DYNC1H1: variants seen among roughly 807,000 people sequenced by gnomAD.
The protein encoded by DYNC1H1 is dynein cytoplasmic 1 heavy chain 1, also known as cytoplasmic dynein 1 heavy chain 1.
In DYNC1H1, 51 loss-of-function variants were observed where a neutral mutation model predicts 527.1. The observed-to-expected ratio is 0.10, with a 90% confidence interval of 0.08 to 0.12. The LOEUF is 0.12. DYNC1H1 is among the 10% of genes least tolerant of loss of function. The pLI is 1.00. For missense variants in DYNC1H1, 2,771 were observed against 5,971.8 expected, an observed-to-expected ratio of 0.46 and a Z score of 17.66; for synonymous variants, 2,189 against 2,278.8, an observed-to-expected ratio of 0.96 and a Z score of 1.12.
Position 102,050,517 on chromosome 14 carries a change from C to A in DYNC1H1, c.13895C>A (p.Pro4632His). Residue 4632 changes from proline to histidine, a missense_variant, in exon 78 of 78, where the codon CCT becomes CAT. Coordinates refer to ENST00000360184, the MANE Select transcript of DYNC1H1 (RefSeq NM_001376.5). ...TTCGAAATTGCTACAAAGGAGGATCCTCGCAGCTTCTACGAGCGGGGTGTC... is the reference window on the plus strand; with the variant it reads ...TTCGAAATTGCTACAAAGGAGGATCATCGCAGCTTCTACGAGCGGGGTGTC... The part of the protein sequence containing the change: ...VDFEIATKED[P>H]RSFYERGVAV... 6.2e-7 allele frequency: 1 copy of A among 1,614,246 alleles called. No homozygotes were observed. The highest frequency in any genetic ancestry group is 8.5e-7 in the Non-Finnish European group (1 of 1,180,048).
chr14:101,981,340 A>G (rs1239708758), intron 5 of DYNC1H1, among the ~76,000 whole-genome samples: 1 of 152,166 alleles, frequency 6.6e-6, no homozygotes, highest in Non-Finnish European at 1.5e-5. Context: ...CCATGCTGGT[A>G]TCAAACTCCT....
At chr14:101,974,541 G>C (rs2047778255) in intron 1 of DYNC1H1, among the ~76,000 whole-genome samples, 1 of 152,092 alleles carries the variant, frequency 6.6e-6, no homozygotes, top group African/African-American at 2.4e-5. Context: ...AGAATGTTTA[G>C]GCATTGCATG....
chr14:102,010,676 G>A lies in DYNC1H1; in HGVS notation c.6406-64G>A. The stretch of plus-strand genomic sequence containing the variant: ...AACAGTTACTGATCACGCACCTCCT[G>A]GGGATGCAGCGGGCAGTACTTGAGC... On this transcript the variant is annotated intron_variant, in intron 31 of 77. Transcript: ENST00000360184. The surrounding 1 kb of genome is among the most constrained non-coding windows in gnomAD (Gnocchi z 6.0). The A allele has an allele frequency of 6.3e-7, 1 of 1,599,520 alleles. No individual in the cohort carries two copies. The highest frequency in any genetic ancestry group is 8.6e-7 in the Non-Finnish European group (1 of 1,169,420).
chr14:102,056,391 T>G lies in DYNC1H1; in HGVS notation c.*5828T>G, dbSNP rs1352610777. The G allele has an allele frequency of 6.6e-6, 1 of 152,208 alleles. No homozygotes were observed. Among genetic ancestry groups the G allele is most frequent in the African/African-American group, 2.4e-5 (1 of 41,446 alleles). 9.4% of individuals were successfully genotyped at this position (152,208 alleles called of 1,614,324 possible). A position where few individuals can be genotyped will look rare whatever the true frequency, so the allele number is the denominator to read the frequency against. Reference sequence around the variant, plus strand: ...TTGTGCACTTGGGGAGCTGGGATTTTAAGATGGTAACTTGCCGATGCTCCC... The same window carrying G: ...TTGTGCACTTGGGGAGCTGGGATTTGAAGATGGTAACTTGCCGATGCTCCC... On this transcript the variant is annotated 3_prime_UTR_variant, in exon 78 of 78. Coordinates refer to ENST00000360184, the MANE Select transcript of DYNC1H1 (RefSeq NM_001376.5).
Position 102,048,046 on chromosome 14 carries a change from G to A in DYNC1H1, c.13218+18G>A, listed in dbSNP as rs745843852. ...ATATCAAGGTAGCTGGGAGGGTGGC[G>A]GGCCGGCCAGGTCTCAAGGTCCCAG... On this transcript the variant is annotated intron_variant, in intron 73 of 77. Transcript: ENST00000360184. 8.1e-6 allele frequency: 13 copies of A among 1,599,840 alleles called. No individual in the cohort carries two copies. The highest frequency in any genetic ancestry group is 2.3e-5 in the East Asian group (1 of 44,146).
Position 102,038,944 on chromosome 14 carries a change from C to T in DYNC1H1, c.11207-57C>T. The T allele has an allele frequency of 6.2e-7, 1 of 1,613,964 alleles. No homozygotes were observed. The highest frequency in any genetic ancestry group is 1.1e-5 in the South Asian group (1 of 91,028). ...TGTTCCACGTTTGTGGCAAACACTT[C>T]TGAGAGCATACCTTTTGAAGGATTA... On this transcript the variant is annotated intron_variant, in intron 59 of 77. Transcript: ENST00000360184. The surrounding 1 kb of genome is among the most constrained non-coding windows in gnomAD (Gnocchi z 7.2).
Position 101,964,852 on chromosome 14 carries a change from C to G in DYNC1H1, c.161C>G (p.Ala54Gly). The change falls in exon 1 of 78, where the codon GCG becomes GGG. Residue 54 changes from alanine (A) to glycine (G), a missense_variant. Ala to Gly is a moderately conservative substitution (Grantham distance 60). Around this residue, in one of 32 missense-constraint regions of DYNC1H1, gnomAD observed 101 missense variants for 105.3 expected, o/e 0.96. Transcript: ENST00000360184. This position sits in a 1 kb window ranked among gnomAD's most constrained non-coding sequence, Gnocchi z 5.5. ...GGCGAGGCGCCGGCCGCGCTGGAGG[C>G]GGCGCTGGAGGAGAAGAGCGCCCTG... is the stretch of plus-strand genomic sequence containing the variant. ...DGGEAPAALE[A>G]ALEEKSALEQ... The G allele has an allele frequency of 1.3e-6, 2 of 1,598,162 alleles. No individual in the cohort carries two copies. Among genetic ancestry groups the G allele is most frequent in the Non-Finnish European group, 1.7e-6 (2 of 1,173,288 alleles).
Position 102,038,643 on chromosome 14 carries a change from G to A in DYNC1H1, c.11055+37G>A. The stretch of plus-strand genomic sequence containing the variant: ...GACCCTTCCCCAGGGAAATCTGGCA[G>A]GATGTGGTTTTGAAACTGGATTAAG... On this transcript the variant is annotated intron_variant, in intron 58 of 77. Coordinates refer to ENST00000360184, the MANE Select transcript of DYNC1H1 (RefSeq NM_001376.5). This position sits in a 1 kb window ranked among gnomAD's most constrained non-coding sequence, Gnocchi z 7.2. 1 of 1,614,242 alleles carries A rather than the reference G, an allele frequency of 6.2e-7. No individual in the cohort carries two copies. Among genetic ancestry groups the A allele is most frequent in the Non-Finnish European group, 8.5e-7 (1 of 1,180,044 alleles).
intron 13 of DYNC1H1, 56 bp from the exon 14 acceptor site, chr14:101,994,930 A>T: frequency 6.2e-7 from 1 of 1,613,610 alleles, no homozygotes; most frequent in South Asian, 1.1e-5. Flanking sequence ...CATTTGAAGG[A>T]TAAACACGCC....
rs1028991666 is a variant in DYNC1H1, at chr14:102,015,238, G to A, written c.7148G>A (p.Arg2383His). 1.5e-5 allele frequency: 24 copies of A among 1,614,090 alleles called. No individual in the cohort carries two copies. The highest frequency in any genetic ancestry group is 4.5e-5 in the East Asian group (2 of 44,902). Residue 2383 changes from arginine (R) to histidine (H), a missense_variant, in exon 35 of 78, where the codon CGC (arginine) becomes CAC (histidine). Around this residue, in one of 32 missense-constraint regions of DYNC1H1, gnomAD observed 122 missense variants for 168.4 expected, o/e 0.72. Coordinates refer to ENST00000360184, the MANE Select transcript of DYNC1H1 (RefSeq NM_001376.5). This position sits in a 1 kb window ranked among gnomAD's most constrained non-coding sequence, Gnocchi z 6.9. ...TTCAACAACTTCCTGGCCAGGCTGC[G>A]CAGCATCCCGCTGGATGAAGGGGAG... ...MIFNNFLARLRSIPLDEGEDE... is the reference protein window; with the variant it reads ...MIFNNFLARLHSIPLDEGEDE...
In DYNC1H1 at chr14:102,015,851, T is replaced by G. The variant is rs2048314205; in HGVS notation, c.7243-5T>G. On this transcript the variant is annotated splice_region_variant and splice_polypyrimidine_tract_variant and intron_variant, in intron 35 of 77. Transcript: ENST00000360184. This position sits in a 1 kb window ranked among gnomAD's most constrained non-coding sequence, Gnocchi z 6.9. ...TAGTTAAGTATCACTCCTTCCACTT[T>G]CTAGATCCAAAGAGATGCAGCTACG... 2 of 1,614,118 alleles carry G rather than the reference T, an allele frequency of 1.2e-6. No individual in the cohort carries two copies. Among genetic ancestry groups the G allele is most frequent in the East Asian group, 4.5e-5 (2 of 44,880 alleles).
At position 102,054,549 on chromosome 14, in the gene DYNC1H1, A is replaced by C; in HGVS notation, c.*3986A>C. 1 of 149,230 alleles carries C rather than the reference A, an allele frequency of 6.7e-6. No individual in the cohort carries two copies. Among genetic ancestry groups the C allele is most frequent in the South Asian group, 2.1e-4 (1 of 4,706 alleles). The allele number at this position is 149,230 out of a possible 1,614,324, so 9.2% of individuals were successfully genotyped here. A position where few individuals can be genotyped will look rare whatever the true frequency, so the allele number is the denominator to read the frequency against. ...CACCAGTTACAACACCATCACCAAC[A>C]GAGCCTTTGCAGAACTTTTTTTTTT... is the stretch of plus-strand genomic sequence containing the variant. On this transcript the variant is annotated 3_prime_UTR_variant, in exon 78 of 78. Coordinates refer to ENST00000360184, the MANE Select transcript of DYNC1H1 (RefSeq NM_001376.5).
chr14:102,005,316 GA>G lies in DYNC1H1; in HGVS notation c.5433+85del. 6.3e-7 allele frequency: 1 copy of G among 1,584,268 alleles called. No homozygotes were observed. Among genetic ancestry groups the G allele is most frequent in the South Asian group, 1.1e-5 (1 of 90,092 alleles). On this transcript the variant is annotated intron_variant, in intron 26 of 77. Transcript: ENST00000360184. This position sits in a 1 kb window ranked among gnomAD's most constrained non-coding sequence, Gnocchi z 4.0. ...ACACAGTTAAATGGAAATCATGCTT[GA>G]AAAAGGTTTCAGGTAGTATCAAGGA...
chr14:102,009,591 A>G lies in DYNC1H1; in HGVS notation c.5978-252A>G. ...TCAGGTGTGGTGTTGCCCAAATAAA[A>G]TAGTGGTCTCTGCCTCTGGTGGCTT... On this transcript the variant is annotated intron_variant, in intron 29 of 77. Coordinates refer to ENST00000360184, the MANE Select transcript of DYNC1H1 (RefSeq NM_001376.5). 2 of 516,826 alleles carry G rather than the reference A, an allele frequency of 3.9e-6. 1 individual carries two copies. Among genetic ancestry groups the G allele is most frequent in the South Asian group, 4.2e-5 (2 of 48,178 alleles). 32.0% of individuals were successfully genotyped at this position (516,826 alleles called of 1,614,324 possible).
intron 64 of DYNC1H1, chr14:102,040,962 G>C (rs1393956184): frequency 7.9e-6 from 4 of 506,392 alleles, no homozygotes; most frequent in African/African-American, 7.7e-5. Context: ...GTCTGTGAAT[G>C]AATGGTCACT....
At chr14:102,040,120 T>C (rs1334294292) in intron 62 of DYNC1H1, 116 bp from the exon 63 acceptor site, 1 of 1,399,008 alleles carries the variant, frequency 7.1e-7, no homozygotes, top group East Asian at 2.3e-5. Context: ...GCTGAGATTA[T>C]AGGCCTGAGC....
intron 16 of DYNC1H1, among the ~76,000 whole-genome samples, chr14:101,998,912 T>G (rs1278987101): frequency 3.7e-5 from 5 of 136,330 alleles, no homozygotes; most frequent in Non-Finnish European, 7.6e-5. Flanking sequence ...GACGGAGTCT[T>G]GCTCTGTCTC....
Position 102,034,337 on chromosome 14 carries a change from A to G in DYNC1H1, c.10639A>G (p.Ile3547Val). ...CCTTGCCTTTCAGTTCCGTACAGAT[A>G]TTGCCAGGACGGAATACCTTTCCAA... ...QQANIQFRTD[I>V]ARTEYLSNAD... Residue 3547 changes from isoleucine to valine, a missense_variant, in exon 56 of 78, where the codon ATT becomes GTT. Ile to Val is a conservative substitution (Grantham distance 29, BLOSUM62 3). Transcript: ENST00000360184. The G allele has an allele frequency of 6.2e-7, 1 of 1,614,240 alleles. No individual in the cohort carries two copies. The highest frequency in any genetic ancestry group is 8.5e-7 in the Non-Finnish European group (1 of 1,180,050).
rs890130750 is a variant in DYNC1H1, at chr14:101,983,035, G to A, written c.978G>A (p.Leu326=). ...FDTDTGLKQA[L]ETVNDYNPLM... Reference sequence around the variant, plus strand: ...TTAATATAGGTCTAAAACAGGCTTTGGAAACTGTGAATGACTACAATCCTC... The same window carrying A: ...TTAATATAGGTCTAAAACAGGCTTTAGAAACTGTGAATGACTACAATCCTC... Residue 326 remains leucine, a synonymous_variant, in exon 6 of 78, where the codon TTG becomes TTA. Transcript: ENST00000360184. This position sits in a 1 kb window ranked among gnomAD's most constrained non-coding sequence, Gnocchi z 5.3. 2 of 1,614,150 alleles carry A rather than the reference G, an allele frequency of 1.2e-6. No homozygotes were observed. Among genetic ancestry groups the A allele is most frequent in the Admixed American group, 3.3e-5 (2 of 60,032 alleles).
Sources: allele counts gnomAD v4.1 joint callset (sites outside exome capture counted in the v4.1 genomes callset), GRCh38; gene constraint gnomAD v4.1.1; regional missense constraint gnomAD v4.1.1; non-coding constraint Gnocchi (gnomAD v3.1); transcripts MANE v1.5; gene names NCBI Gene and HGNC (gene_info 2026-07-23, HGNC 2026-07-21).